TCF4: variants seen among roughly 807,000 people sequenced by gnomAD.
TCF4 encodes the protein transcription factor 4.
In TCF4, 3 loss-of-function variants were observed where a neutral mutation model predicts 82.1. The ratio of observed to expected loss-of-function variants is 0.04; its 90% CI spans 0.02 to 0.09. The LOEUF (loss-of-function observed/expected upper bound fraction) is 0.09. Ranked by LOEUF, TCF4 falls within the 10% of genes least tolerant of loss-of-function variation. The pLI, the probability that TCF4 is intolerant of heterozygous loss-of-function variation, is 1.00. For missense variants in TCF4, 518 were observed against 852.7 expected (o/e 0.61, Z 4.89); for synonymous variants, 276 against 309.6 (o/e 0.89, Z 1.14).
chr18:55,585,861 A>ACTCTCT (rs149913198), intron 2 of TCF4: 6 of 1,153,834 alleles, frequency 5.2e-6, no homozygotes, highest in South Asian at 2.4e-5. Flanking sequence ...TTGAAGCAAG[A>ACTCTCT]CTCTCTCTCT....
chr18:55,280,643 C>T (rs1464801010), intron 8 of TCF4, among the ~76,000 whole-genome samples: 2 of 152,114 alleles, frequency 1.3e-5, no homozygotes, highest in Non-Finnish European at 2.9e-5. Flanking sequence ...GGATACCTTC[C>T]TGCCTCCATT....
intron 6 of TCF4, among the ~76,000 whole-genome samples, chr18:55,378,889 T>C (rs1043167960): frequency 2.0e-5 from 3 of 152,204 alleles, no homozygotes; most frequent in African/African-American, 7.2e-5. Flanking sequence ...AGAGAAGACG[T>C]AGGGAACTTG....
intron 3 of TCF4, among the ~76,000 whole-genome samples, chr18:55,515,427 G>A (rs552625964): frequency 6.2e-4 from 94 of 152,218 alleles, no homozygotes; most frequent in African/African-American, 2.1e-3. Context: ...CTACAGTTCC[G>A]TCAGGAAGAC....
At chr18:55,368,123 T>A (rs546191417) in intron 6 of TCF4, among the ~76,000 whole-genome samples, 1 of 152,224 alleles carries the variant, frequency 6.6e-6, no homozygotes, top group Non-Finnish European at 1.5e-5. Context: ...CGGTGGCTCA[T>A]GCCTGTAATC....
intron 2 of TCF4, among the ~76,000 whole-genome samples, chr18:55,612,538 T>C (rs1258536385): frequency 6.6e-6 from 1 of 152,118 alleles, no homozygotes; most frequent in Non-Finnish European, 1.5e-5. Context: ...CACTGTATTG[T>C]TGTAATGAAA....
At chr18:55,277,707 C>G (rs1011737354) in intron 9 of TCF4, among the ~76,000 whole-genome samples, 11 of 150,912 alleles carry the variant, frequency 7.3e-5, no homozygotes, top group African/African-American at 2.4e-4. Context: ...CTGATATAAT[C>G]TACCTGGCCT....
chr18:55,559,860 C>A (rs1449035444), intron 3 of TCF4, among the ~76,000 whole-genome samples: 1 of 152,036 alleles, frequency 6.6e-6, no homozygotes, highest in Admixed American at 6.6e-5. Flanking sequence ...TTAACATTCA[C>A]CCAAAAATGC....
Position 55,622,503 on chromosome 18 carries a change from T to TA in TCF4, c.286+8794dup, listed in dbSNP as rs765415861. 7.4e-3 allele frequency among the ~76,000 whole-genome samples: 818 copies of TA among 110,532 alleles called. 10 individuals carry two copies. Among genetic ancestry groups the TA allele is most frequent in the South Asian group, 0.024 (81 of 3,316 alleles). The allele number at this position is 110,532 out of a possible 152,430, so 72.5% of individuals were successfully genotyped here. ...CTGGCAACAGAGCGAGACTCAATCT[T>TA]AAAAAAAAAAAAAAAAAAAAAAGTA... On this transcript the variant is annotated intron_variant, in intron 2 of 20. Transcript: ENST00000398339.
chr18:55,262,340 T>A (rs887593775), intron 11 of TCF4, among the ~76,000 whole-genome samples: 1 of 152,188 alleles, frequency 6.6e-6, no homozygotes, highest in Non-Finnish European at 1.5e-5. Flanking sequence ...TATCTTGCCT[T>A]TAGAACTAAG....
intron 6 of TCF4, among the ~76,000 whole-genome samples, chr18:55,368,351 A>G (rs1235441432): frequency 2.0e-5 from 3 of 152,214 alleles, no homozygotes; most frequent in Non-Finnish European, 2.9e-5. Context: ...ACTGCACTCC[A>G]GCCTGGGTGA....
intron 5 of TCF4, among the ~76,000 whole-genome samples, chr18:55,442,967 C>T (rs1415914641): frequency 1.3e-5 from 2 of 152,302 alleles, no homozygotes; most frequent in East Asian, 1.9e-4. Flanking sequence ...ATATACCATT[C>T]GTACTTCTTG....
At chr18:55,332,848 T>C (rs144693026) in intron 8 of TCF4, among the ~76,000 whole-genome samples, 36 of 152,380 alleles carry the variant, frequency 2.4e-4, no homozygotes, top group African/African-American at 7.7e-4. Context: ...TTATACTCTG[T>C]ATCACCAGTT....
At chr18:55,537,123 G>A (rs2097123608) in intron 3 of TCF4, among the ~76,000 whole-genome samples, 1 of 132,804 alleles carries the variant, frequency 7.5e-6, no homozygotes, top group Non-Finnish European at 1.6e-5. Context: ...AACAGAGCGA[G>A]ACTCCGTCTC....
chr18:55,376,447 G>A (rs1174119804), intron 6 of TCF4, among the ~76,000 whole-genome samples: 5 of 152,188 alleles, frequency 3.3e-5, no homozygotes, highest in African/African-American at 1.2e-4. Flanking sequence ...CCTGAAACTA[G>A]GCTAAAATGT....
At chr18:55,505,137 A>G (rs184001585) in intron 3 of TCF4, among the ~76,000 whole-genome samples, 25 of 152,248 alleles carry the variant, frequency 1.6e-4, no homozygotes, top group Non-Finnish European at 3.5e-4. Context: ...GAAGCAAAAC[A>G]CAGCAGATGG....
chr18:55,508,858 A>G (rs2096793650), intron 3 of TCF4, among the ~76,000 whole-genome samples: 1 of 152,250 alleles, frequency 6.6e-6, no homozygotes, highest in African/African-American at 2.4e-5. Flanking sequence ...CATCCCTGCA[A>G]GAAATTTGCT....
intron 3 of TCF4, among the ~76,000 whole-genome samples, chr18:55,543,607 A>C (rs1463212570): frequency 6.6e-6 from 1 of 152,126 alleles, no homozygotes; most frequent in African/African-American, 2.4e-5. Flanking sequence ...TAGATGCAGT[A>C]ATTAGAATAT....
chr18:55,580,986 C>A (rs2097570410), intron 3 of TCF4, among the ~76,000 whole-genome samples: 1 of 152,006 alleles, frequency 6.6e-6, no homozygotes, highest in Non-Finnish European at 1.5e-5. Context: ...CTCTAACACA[C>A]TGAGAAGCAC....
chr18:55,308,752 A>G (rs1159688559), intron 8 of TCF4, among the ~76,000 whole-genome samples: 2 of 152,242 alleles, frequency 1.3e-5, no homozygotes, highest in East Asian at 3.8e-4. Flanking sequence ...AGCATTCAGT[A>G]AAGTGCTACA....
Sources: allele counts gnomAD v4.1 joint callset (sites outside exome capture counted in the v4.1 genomes callset), GRCh38; gene constraint gnomAD v4.1.1; transcripts MANE v1.5; gene names NCBI Gene and HGNC (gene_info 2026-07-23, HGNC 2026-07-21).